CBLN2: variants seen among roughly 807,000 people sequenced by gnomAD.
The protein encoded by CBLN2 is cerebellin-2.
CBLN2 carries 7 observed loss-of-function variants against 15.0 expected under a neutral mutation model. That is an observed-to-expected ratio of 0.47 (90% CI 0.27 to 0.88). CBLN2 has a LOEUF of 0.88. CBLN2 is among the 40% of genes least tolerant of loss of function. CBLN2 has a pLI of 0.14. For synonymous variants in CBLN2, 149 were observed against 135.2 expected, an observed-to-expected ratio of 1.10 and a Z score of -0.71; for missense variants, 242 against 304.5, an observed-to-expected ratio of 0.79 and a Z score of 1.53.
intron 1 of CBLN2, among the ~76,000 whole-genome samples, chr18:72,571,328 A>C (rs2069330992): frequency 6.6e-6 from 1 of 152,208 alleles, no homozygotes; most frequent in South Asian, 2.1e-4. Context: ...ACAGTTCTTC[A>C]ATCAGTCCTG....
At chr18:72,580,048 G>A (rs1012587672) in intron 1 of CBLN2, among the ~76,000 whole-genome samples, 1 of 151,636 alleles carries the variant, frequency 6.6e-6, no homozygotes, top group Admixed American at 6.6e-5. Context: ...TTTTTCAAAA[G>A]AAGATATGAT....
chr18:72,574,023 C>G (rs2069348580), intron 1 of CBLN2, among the ~76,000 whole-genome samples: 1 of 152,124 alleles, frequency 6.6e-6, no homozygotes, highest in African/African-American at 2.4e-5. Context: ...ATATGTAATT[C>G]CCCAAAGGAA....
chr18:72,575,216 T>C (rs1196710328), intron 1 of CBLN2, among the ~76,000 whole-genome samples: 1 of 152,022 alleles, frequency 6.6e-6, no homozygotes, highest in Non-Finnish European at 1.5e-5. Context: ...GGGTCTGGCA[T>C]TGTTGCTGAT....
In CBLN2 at chr18:72,580,156, T is replaced by C. The variant is rs558165103; in HGVS notation, c.16-41384A>G. Reference sequence around the variant, plus strand: ...AAAATGGCATGGGTGACATTATAATTAATGATATTTCTGATTTTTATATGA... The same window carrying C: ...AAAATGGCATGGGTGACATTATAATCAATGATATTTCTGATTTTTATATGA... On this transcript the variant is annotated intron_variant, in intron 1 of 2. Coordinates refer to the CBLN2 transcript ENST00000581073. Among the ~76,000 whole-genome samples, 5 of 152,124 alleles carry C rather than the reference T, an allele frequency of 3.3e-5. No homozygotes were observed. The East Asian group carries it at 9.7e-4, about 29-fold the overall frequency.
chr18:72,538,101 T>A lies in CBLN2; in HGVS notation c.*75A>T. ...TTGGAAACAAGGTGTCCAATTCCAGTAAGTTCAGGGTGTTTTAAAGGGCGG... is the reference window on the plus strand; with the variant it reads ...TTGGAAACAAGGTGTCCAATTCCAGAAAGTTCAGGGTGTTTTAAAGGGCGG... On this transcript the variant is annotated 3_prime_UTR_variant, in exon 5 of 5. Coordinates refer to ENST00000269503, the MANE Select transcript of CBLN2 (RefSeq NM_182511.4). 1 of 1,452,030 alleles carries A rather than the reference T, an allele frequency of 6.9e-7. No homozygotes were observed. The highest frequency in any genetic ancestry group is 9.6e-7 in the Non-Finnish European group (1 of 1,038,170). The allele number at this position is 1,452,030 out of a possible 1,614,324, so 89.9% of individuals were successfully genotyped here.
At chr18:72,538,929 G>T in intron 3 of CBLN2, 157 bp from the exon 4 acceptor site, 1 of 822,502 alleles carries the variant, frequency 1.2e-6, no homozygotes, top group African/African-American at 1.7e-5. Flanking sequence ...GAAGGAGGCA[G>T]TGCTGAAGTT....
intron 3 of CBLN2, 37 bp from the exon 4 acceptor site, chr18:72,538,809 G>A: frequency 1.9e-6 from 3 of 1,606,692 alleles, no homozygotes; most frequent in South Asian, 1.1e-5. Flanking sequence ...ACAATGGCAA[G>A]CCCCTCCTCG....
chr18:72,542,560 A>AG (rs1235957631), intron 2 of CBLN2, among the ~76,000 whole-genome samples: 1 of 151,974 alleles, frequency 6.6e-6, no homozygotes, highest in Non-Finnish European at 1.5e-5. Context: ...GCGACGAGGG[A>AG]GGGGGCCGCG....
chr18:72,577,177 A>G (rs1053279345), intron 1 of CBLN2, among the ~76,000 whole-genome samples: 7 of 151,020 alleles, frequency 4.6e-5, no homozygotes, highest in Admixed American at 2.6e-4. Context: ...CTATATAAAC[A>G]TAAATATATA....
chr18:72,563,117 C>T (rs1292444182), intron 1 of CBLN2, among the ~76,000 whole-genome samples: 3 of 152,136 alleles, frequency 2.0e-5, no homozygotes, highest in East Asian at 1.9e-4. Context: ...CACAAAGACA[C>T]ACCTATAGAA....
intron 1 of CBLN2, among the ~76,000 whole-genome samples, chr18:72,615,179 ATATATTATATATAAATATATATT>A (rs2069650701): frequency 1.5e-5 from 2 of 133,528 alleles, no homozygotes; most frequent in African/African-American, 5.5e-5. Context: ...ATATATATTT[ATATATTATATATAAATATATATT>A]TATATATGTG....
chr18:72,638,255 G>A, intron 1 of CBLN2: 2 of 398,446 alleles, frequency 5.0e-6, no homozygotes, highest in Admixed American at 4.4e-5. Flanking sequence ...TCATTCCACA[G>A]TCTTTGGGAG....
At chr18:72,592,017 G>A (rs1443175932) in intron 1 of CBLN2, among the ~76,000 whole-genome samples, 1 of 152,000 alleles carries the variant, frequency 6.6e-6, no homozygotes, top group Non-Finnish European at 1.5e-5. Flanking sequence ...ATATACCAGT[G>A]GAATTGGCAG....
At chr18:72,560,542 G>T (rs1410030588) in intron 1 of CBLN2, among the ~76,000 whole-genome samples, 4 of 152,236 alleles carry the variant, frequency 2.6e-5, no homozygotes, top group African/African-American at 7.2e-5. Context: ...AGACTCATTC[G>T]CAAATTGCTC....
intron 1 of CBLN2, chr18:72,618,266 C>A: frequency 3.1e-6 from 1 of 327,746 alleles, no homozygotes; most frequent in South Asian, 4.4e-5. Context: ...CCCCTGCTGT[C>A]ATGTCTAAGT....
chr18:72,565,725 G>T (rs906984681), intron 1 of CBLN2, among the ~76,000 whole-genome samples: 1 of 152,032 alleles, frequency 6.6e-6, no homozygotes, highest in East Asian at 1.9e-4. Context: ...GAGGATGAGA[G>T]GTTCATGGTT....
At chr18:72,609,818 A>G (rs924649122) in intron 1 of CBLN2, among the ~76,000 whole-genome samples, 4 of 152,330 alleles carry the variant, frequency 2.6e-5, no homozygotes, top group Admixed American at 2.6e-4. Context: ...ATGAATGGAA[A>G]TCGTTGTCAC....
At chr18:72,542,567 C>A (rs2069124879) in intron 2 of CBLN2, among the ~76,000 whole-genome samples, 1 of 152,070 alleles carries the variant, frequency 6.6e-6, no homozygotes, top group Admixed American at 6.5e-5. Context: ...GGGAGGGGGC[C>A]GCGCTTCTGC....
intron 1 of CBLN2, among the ~76,000 whole-genome samples, chr18:72,637,739 C>A (rs746827038): frequency 1.3e-5 from 2 of 152,190 alleles, no homozygotes; most frequent in African/African-American, 4.8e-5. Flanking sequence ...CAGGGGAACC[C>A]CCCATCCCAC....
Sources: allele counts gnomAD v4.1 joint callset (sites outside exome capture counted in the v4.1 genomes callset), GRCh38; gene constraint gnomAD v4.1.1; transcripts MANE v1.5; gene names NCBI Gene and HGNC (gene_info 2026-07-23, HGNC 2026-07-21).